ADCY5: variants seen among roughly 807,000 people sequenced by gnomAD.
The protein encoded by ADCY5 is adenylate cyclase 5.
In ADCY5, 30 loss-of-function variants were observed where a neutral mutation model predicts 119.7. The observed-to-expected ratio is 0.25, with a 90% CI of 0.19 to 0.34. The LOEUF is 0.34. Among genes scored for constraint, ADCY5 ranks in the 10% least tolerant of loss-of-function variants. The probability of loss-of-function intolerance (pLI) is 1.00; values close to 1 mark genes in which losing one functional copy is unlikely to be tolerated. For synonymous variants in ADCY5, 753 were observed against 762.2 expected, an observed-to-expected ratio of 0.99 and a Z score of 0.20; for missense variants, 1,324 against 1,775.2, an observed-to-expected ratio of 0.75 and a Z score of 4.57.
chr3:123,400,876 G>A (rs960074541), intron 1 of ADCY5, among the ~76,000 whole-genome samples: 1 of 151,944 alleles, frequency 6.6e-6, no homozygotes, highest in African/African-American at 2.4e-5. Flanking sequence ...CCTGGGAGGT[G>A]GAGGTTGCAC....
chr3:123,334,637 C>T (rs1941939866), intron 3 of ADCY5, among the ~76,000 whole-genome samples: 1 of 152,136 alleles, frequency 6.6e-6, no homozygotes, highest in African/African-American at 2.4e-5. Flanking sequence ...ACTCAAGAGG[C>T]TGAGGCAGGA....
rs1383042440 is a variant in ADCY5 at position 123,282,421 on chromosome 3, G to A, written c.*2187C>T. The A allele has an allele frequency of 6.6e-6, 1 of 152,386 alleles. No homozygotes were observed. The highest frequency in any genetic ancestry group is 2.1e-4 in the South Asian group (1 of 4,830). 9.4% of individuals were successfully genotyped at this position (152,386 alleles called of 1,614,324 possible). The stretch of plus-strand genomic sequence containing the variant: ...AGAGTGCACACCCTTTAGAGGGAAC[G>A]AAGAGCTAGCACTGCACCTGCACAC... On this transcript the variant is annotated 3_prime_UTR_variant, in exon 21 of 21. Coordinates refer to ENST00000462833, the MANE Select transcript of ADCY5 (RefSeq NM_183357.3).
Position 123,304,187 on chromosome 3 carries a change from G to A in ADCY5, c.2443-4C>T. 1 of 1,538,106 alleles carries A rather than the reference G, an allele frequency of 6.5e-7. No homozygotes were observed. The highest frequency in any genetic ancestry group is 9.0e-7 in the Non-Finnish European group (1 of 1,112,354). On this transcript the variant is annotated splice_region_variant and splice_polypyrimidine_tract_variant and intron_variant, in intron 12 of 20. Coordinates refer to ENST00000462833, the MANE Select transcript of ADCY5 (RefSeq NM_183357.3). ...TCTGCAGTGGGGAGGGGAAGAGCTAGGGTGGGGGCAGGGGTGGAGAGGGAG... is the reference window on the plus strand; with the variant it reads ...TCTGCAGTGGGGAGGGGAAGAGCTAAGGTGGGGGCAGGGGTGGAGAGGGAG...
At chr3:123,406,803 T>C (rs1026540456) in intron 1 of ADCY5, among the ~76,000 whole-genome samples, 4 of 152,030 alleles carry the variant, frequency 2.6e-5, no homozygotes, top group African/African-American at 9.7e-5. Context: ...AATAAGGCCC[T>C]CTCAACAGTG....
intron 1 of ADCY5, among the ~76,000 whole-genome samples, chr3:123,422,233 A>G (rs1190831202): frequency 6.6e-6 from 1 of 152,164 alleles, no homozygotes; most frequent in Non-Finnish European, 1.5e-5. Flanking sequence ...CTAGATTTGG[A>G]TGAGCAGTTA....
intron 12 of ADCY5, among the ~76,000 whole-genome samples, chr3:123,312,909 G>C (rs923446481): frequency 2.0e-5 from 3 of 149,116 alleles, no homozygotes; most frequent in African/African-American, 7.7e-5. Context: ...AAAGCAGGCT[G>C]GGGGGGGCCT....
At chr3:123,419,844 C>T (rs1281325528) in intron 1 of ADCY5, among the ~76,000 whole-genome samples, 1 of 152,126 alleles carries the variant, frequency 6.6e-6, no homozygotes, top group East Asian at 1.9e-4. Context: ...CTCCGAGTCG[C>T]TCTTCCCACT....
chr3:123,403,956 A>G (rs1944838419), intron 1 of ADCY5, among the ~76,000 whole-genome samples: 1 of 152,214 alleles, frequency 6.6e-6, no homozygotes, highest in African/African-American at 2.4e-5. Flanking sequence ...CTTACATGCT[A>G]TTCTGACTAC....
chr3:123,297,916 A>G (rs1267942067), intron 15 of ADCY5, among the ~76,000 whole-genome samples: 1 of 152,250 alleles, frequency 6.6e-6, no homozygotes, highest in Non-Finnish European at 1.5e-5. Flanking sequence ...TTGGCTATAT[A>G]GTACTTGTTA....
At chr3:123,397,337 C>T (rs968260406) in intron 1 of ADCY5, among the ~76,000 whole-genome samples, 2 of 152,228 alleles carry the variant, frequency 1.3e-5, no homozygotes, top group Admixed American at 6.5e-5. Context: ...CCATGCCAGC[C>T]CTTAATCACC....
chr3:123,358,687 C>G (rs185625425), intron 1 of ADCY5, among the ~76,000 whole-genome samples: 1 of 152,162 alleles, frequency 6.6e-6, no homozygotes, highest in African/African-American at 2.4e-5. Context: ...CAGGACCACA[C>G]CAGGAGAGAC....
Position 123,304,194 on chromosome 3 carries a change from G to A in ADCY5, c.2443-11C>T. Reference sequence around the variant, plus strand: ...TGGGGAGGGGAAGAGCTAGGGTGGGGGCAGGGGTGGAGAGGGAGGGAGGGA... The same window carrying A: ...TGGGGAGGGGAAGAGCTAGGGTGGGAGCAGGGGTGGAGAGGGAGGGAGGGA... On this transcript the variant is annotated splice_polypyrimidine_tract_variant and intron_variant, in intron 12 of 20. Coordinates refer to ENST00000462833, the MANE Select transcript of ADCY5 (RefSeq NM_183357.3). 1 of 1,456,558 alleles carries A rather than the reference G, an allele frequency of 6.9e-7. No homozygotes were observed. Among genetic ancestry groups the A allele is most frequent in the Non-Finnish European group, 9.6e-7 (1 of 1,039,652 alleles). 90.2% of individuals were successfully genotyped at this position (1,456,558 alleles called of 1,614,324 possible).
intron 1 of ADCY5, among the ~76,000 whole-genome samples, chr3:123,396,298 TAAGA>T (rs1295992107): frequency 2.6e-4 from 20 of 75,534 alleles, no homozygotes; most frequent in South Asian, 1.6e-3. Context: ...AGAGGGAAAA[TAAGA>T]AAGAAAGAAA....
chr3:123,446,792 G>A (rs1459353217), intron 1 of ADCY5, among the ~76,000 whole-genome samples: 1 of 152,230 alleles, frequency 6.6e-6, no homozygotes. Flanking sequence ...ACATCTCGGA[G>A]GCTCCTTCCC....
At position 123,328,625 on chromosome 3, in the gene ADCY5, A is replaced by T. The variant is rs1235991291; in HGVS notation, c.1805+19T>A. 6.2e-7 allele frequency: 1 copy of T among 1,612,364 alleles called. No individual in the cohort carries two copies. Among genetic ancestry groups the T allele is most frequent in the South Asian group, 1.1e-5 (1 of 91,022 alleles). On this transcript the variant is annotated intron_variant, in intron 6 of 20. Coordinates refer to ENST00000462833, the MANE Select transcript of ADCY5 (RefSeq NM_183357.3). ...GGAACCCAGGTCGGGGCCCCAAGCCACCCACAGCTGTCACTCACCCTGCCT... is the reference window on the plus strand; with the variant it reads ...GGAACCCAGGTCGGGGCCCCAAGCCTCCCACAGCTGTCACTCACCCTGCCT...
intron 1 of ADCY5, among the ~76,000 whole-genome samples, chr3:123,423,177 G>A (rs567202713): frequency 8.6e-5 from 13 of 151,666 alleles, no homozygotes; most frequent in South Asian, 4.2e-4. Flanking sequence ...CCCAATTGCC[G>A]GCCCATCCCA....
intron 1 of ADCY5, among the ~76,000 whole-genome samples, chr3:123,443,678 A>G (rs1465182879): frequency 2.0e-5 from 3 of 152,194 alleles, no homozygotes; most frequent in Non-Finnish European, 4.4e-5. Context: ...AATGCAGGAA[A>G]TCACTAAGAA....
chr3:123,351,415 C>T (rs141136160), intron 2 of ADCY5, among the ~76,000 whole-genome samples: 3 of 152,246 alleles, frequency 2.0e-5, no homozygotes, highest in African/African-American at 7.2e-5. Flanking sequence ...GTCCCCCACA[C>T]TCAAAGGCAG....
intron 12 of ADCY5, among the ~76,000 whole-genome samples, chr3:123,313,082 C>T (rs1303560754): frequency 1.4e-5 from 2 of 141,128 alleles, no homozygotes; most frequent in African/African-American, 3.2e-5. Context: ...ATGGAGCACG[C>T]GGCTCAGCGT....
Sources: allele counts gnomAD v4.1 joint callset (sites outside exome capture counted in the v4.1 genomes callset), GRCh38; gene constraint gnomAD v4.1.1; transcripts MANE v1.5; gene names NCBI Gene and HGNC (gene_info 2026-07-23, HGNC 2026-07-21).